Variants in CDH1 observed in about 807,000 individuals in gnomAD.
The protein encoded by CDH1 is cadherin-1.
Under a neutral mutation model 84.5 loss-of-function variants are expected in CDH1, and 35 were observed. The observed-to-expected ratio is 0.41, with a 90% CI of 0.32 to 0.55. The LOEUF is 0.55. Ranked by LOEUF, CDH1 falls within the 20% of genes least tolerant of loss-of-function variation. The probability of loss-of-function intolerance (pLI) is 0.19; values close to 1 mark genes in which losing one functional copy is unlikely to be tolerated. For missense variants in CDH1, 994 were observed against 1,126.6 expected (o/e 0.88, Z 1.68); for synonymous variants, 417 against 439.0 (o/e 0.95, Z 0.63).
chr16:68,835,265 CT>C lies in CDH1; in HGVS notation c.*1770del. The C allele has an allele frequency of 4.4e-6, 1 of 228,300 alleles. No homozygotes were observed. The highest frequency in any genetic ancestry group is 2.2e-5 in the African/African-American group (1 of 45,126). 14.1% of individuals were successfully genotyped at this position (228,300 alleles called of 1,614,324 possible). ...CAACTTTTGACAATCAAAGAAAAGACTTTTGTTGAAATAGCTTTACTGTTTC... is the reference window on the plus strand; with the variant it reads ...CAACTTTTGACAATCAAAGAAAAGACTTTGTTGAAATAGCTTTACTGTTTC... On this transcript the variant is annotated 3_prime_UTR_variant, in exon 16 of 16. Transcript: ENST00000261769.
chr16:68,798,678 A>T (rs146445162), intron 2 of CDH1, among the ~76,000 whole-genome samples: 2,339 of 152,234 alleles, frequency 0.015, 23 homozygotes, highest in South Asian at 0.03. Context: ...TCACTGTCTA[A>T]ATTTGGGAAG....
intron 10 of CDH1, among the ~76,000 whole-genome samples, chr16:68,816,468 G>C (rs1194819947): frequency 6.6e-6 from 1 of 152,164 alleles, no homozygotes; most frequent in African/African-American, 2.4e-5. Flanking sequence ...ATTTTGGGTT[G>C]GGCATAGCAG....
Position 68,756,084 on chromosome 16 carries a change from C to A in CDH1, c.163+17673C>A, listed in dbSNP as rs74438728. Among the ~76,000 whole-genome samples the A allele has an allele frequency of 4.9e-3, 747 of 151,638 alleles. 8 individuals carry two copies. The highest frequency in any genetic ancestry group is 0.017 in the African/African-American group (708 of 41,274). ...TGCCTAGCCGAGTTTTCTAAAGATT[C>A]TTCCTGCAGAGGGATGATATTTTCT... On this transcript the variant is annotated intron_variant, in intron 2 of 15. Transcript: ENST00000261769.
intron 2 of CDH1, among the ~76,000 whole-genome samples, chr16:68,751,994 C>T (rs569625206): frequency 5.5e-4 from 83 of 150,460 alleles, no homozygotes; most frequent in Non-Finnish European, 9.6e-4. Flanking sequence ...CTCTGTCACC[C>T]AGGCTGGAGT....
chr16:68,813,985 A>C (rs1337538179), intron 9 of CDH1, among the ~76,000 whole-genome samples: 2 of 151,950 alleles, frequency 1.3e-5, no homozygotes, highest in Admixed American at 6.6e-5. Flanking sequence ...GCCTGTAATC[A>C]TAGCACTTTG....
intron 2 of CDH1, among the ~76,000 whole-genome samples, chr16:68,751,223 C>G (rs1426196438): frequency 6.6e-6 from 1 of 152,198 alleles, no homozygotes; most frequent in African/African-American, 2.4e-5. Flanking sequence ...TAAGTCCTTT[C>G]TATGACTTCT....
intron 6 of CDH1, among the ~76,000 whole-genome samples, chr16:68,811,413 A>G (rs1200899095): frequency 1.3e-5 from 2 of 151,986 alleles, no homozygotes; most frequent in African/African-American, 4.8e-5. Context: ...AAAAAAAAAA[A>G]AAAAGATAAC....
rs1340106963 is a variant in CDH1, at chr16:68,794,997, G to A, written c.164-6673G>A. Among the ~76,000 whole-genome samples the A allele has an allele frequency of 2.6e-5, 4 of 152,064 alleles. No homozygotes were observed. In the East Asian group the frequency reaches 7.7e-4, roughly 29 times the overall value. On this transcript the variant is annotated intron_variant, in intron 2 of 15. Transcript: ENST00000261769. ...GTGAGCCACCGCACCTGGCCAACCGGGCTAACTTTTTAGATTTTCTTTTTT... is the reference window on the plus strand; with the variant it reads ...GTGAGCCACCGCACCTGGCCAACCGAGCTAACTTTTTAGATTTTCTTTTTT...
intron 2 of CDH1, among the ~76,000 whole-genome samples, chr16:68,748,852 GTTTTGAGACGGAGTCTCGCTC>G (rs1962816841): frequency 6.6e-6 from 1 of 152,042 alleles, no homozygotes; most frequent in African/African-American, 2.4e-5. Context: ...TTTTGTTTTT[GTTTTGAGACGGAGTCTCGCTC>G]TTGTCGCCCA....
chr16:68,811,109 C>T (rs1033371878), intron 6 of CDH1, among the ~76,000 whole-genome samples: 4 of 151,754 alleles, frequency 2.6e-5, no homozygotes, highest in African/African-American at 9.7e-5. Context: ...AAGATAACCA[C>T]ACCCTAGGCT....
intron 2 of CDH1, among the ~76,000 whole-genome samples, chr16:68,775,747 G>A (rs1959714911): frequency 6.6e-6 from 1 of 152,288 alleles, no homozygotes; most frequent in Admixed American, 6.5e-5. Context: ...TCAGCATGTT[G>A]CTCTCCAAAG....
rs547730193 is a variant in CDH1 at position 68,752,109 on chromosome 16, G to A, written c.163+13698G>A. 9.2e-5 allele frequency among the ~76,000 whole-genome samples: 14 copies of A among 151,850 alleles called. No individual in the cohort carries two copies. The South Asian group carries it at 2.5e-3, about 27-fold the overall frequency. Reference sequence around the variant, plus strand: ...TGGGATTACAGGCATGTGCCACCACGCCTGGCTAATTTTTGTATCTTTAGT... The same window carrying A: ...TGGGATTACAGGCATGTGCCACCACACCTGGCTAATTTTTGTATCTTTAGT... On this transcript the variant is annotated intron_variant, in intron 2 of 15. Transcript: ENST00000261769.
intron 2 of CDH1, among the ~76,000 whole-genome samples, chr16:68,797,105 G>A (rs1446987926): frequency 6.6e-6 from 1 of 152,044 alleles, no homozygotes; most frequent in Admixed American, 6.6e-5. Flanking sequence ...TAATAAAATA[G>A]GCCAAGCATG....
At chr16:68,806,921 G>A (rs563857396) in intron 3 of CDH1, among the ~76,000 whole-genome samples, 75 of 152,232 alleles carry the variant, frequency 4.9e-4, no homozygotes, top group Non-Finnish European at 8.7e-4. Context: ...GATGATACCT[G>A]GTCATATCTC....
At chr16:68,776,352 A>G (rs1959732152) in intron 2 of CDH1, among the ~76,000 whole-genome samples, 1 of 152,148 alleles carries the variant, frequency 6.6e-6, no homozygotes, top group South Asian at 2.1e-4. Flanking sequence ...TACTATTTTT[A>G]ATAATGACCA....
At chr16:68,756,186 C>T (rs1306620853) in intron 2 of CDH1, among the ~76,000 whole-genome samples, 2 of 148,538 alleles carry the variant, frequency 1.3e-5, no homozygotes, top group East Asian at 2.0e-4. Context: ...CTGGTACTTA[C>T]TTTGGAATCT....
At chr16:68,753,140 G>A (rs1962926901) in intron 2 of CDH1, among the ~76,000 whole-genome samples, 1 of 150,294 alleles carries the variant, frequency 6.7e-6, no homozygotes, top group South Asian at 2.1e-4. Flanking sequence ...TTGAACCTGG[G>A]AGGTGGAGGT....
intron 2 of CDH1, among the ~76,000 whole-genome samples, chr16:68,745,732 C>T (rs1481762342): frequency 6.6e-6 from 1 of 151,670 alleles, no homozygotes; most frequent in East Asian, 1.9e-4. Flanking sequence ...AAAATCAAAT[C>T]ACCTAGGGCA....
chr16:68,807,638 T>C (rs1960700066), intron 3 of CDH1, among the ~76,000 whole-genome samples: 1 of 151,972 alleles, frequency 6.6e-6, no homozygotes. Flanking sequence ...GCAGTGAGCT[T>C]TGATCACTTC....
Sources: allele counts gnomAD v4.1 joint callset (sites outside exome capture counted in the v4.1 genomes callset), GRCh38; gene constraint gnomAD v4.1.1; transcripts MANE v1.5; gene names NCBI Gene and HGNC (gene_info 2026-07-23, HGNC 2026-07-21).